Variants in PTGR2 observed in about 807,000 individuals in gnomAD.
PTGR2 encodes prostaglandin reductase 2.
Under a neutral mutation model 43.4 loss-of-function variants are expected in PTGR2, and 32 were observed. That is an observed-to-expected ratio of 0.74 (90% CI 0.56 to 0.99). PTGR2 has a LOEUF of 0.99. PTGR2 is among the 50% of genes least tolerant of loss of function. The pLI, the probability that PTGR2 is intolerant of heterozygous loss-of-function variation, is 0.00. For synonymous variants in PTGR2, 106 were observed against 139.2 expected, an observed-to-expected ratio of 0.76 and a Z score of 1.68; for missense variants, 373 against 420.0, an observed-to-expected ratio of 0.89 and a Z score of 0.98.
chr14:73,870,201 T>TC, intron 3 of PTGR2, among the ~76,000 whole-genome samples: 1 of 151,174 alleles, frequency 6.6e-6, no homozygotes, highest in African/African-American at 2.4e-5. Context: ...ACCTTTTTTT[T>TC]TTTTTTTTTT....
intron 8 of PTGR2, among the ~76,000 whole-genome samples, chr14:73,881,722 A>T (rs1223131338): frequency 1.3e-5 from 2 of 151,256 alleles, no homozygotes; most frequent in Non-Finnish European, 2.9e-5. Context: ...TTGTTGATCG[A>T]AAATCAGGAG....
At chr14:73,875,820 CTTTTTTTT>C (rs953891690) in intron 4 of PTGR2, among the ~76,000 whole-genome samples, 4 of 94,376 alleles carry the variant, frequency 4.2e-5, no homozygotes, top group Non-Finnish European at 8.1e-5. Context: ...TTAAAAGTTT[CTTTTTTTT>C]TTTTTTTTTT....
intron 1 of PTGR2, among the ~76,000 whole-genome samples, chr14:73,857,093 G>A (rs574232444): frequency 6.1e-4 from 93 of 151,996 alleles, no homozygotes; most frequent in Non-Finnish European, 1.2e-3. Context: ...GCAACATAGC[G>A]AGACCTCATC....
chr14:73,879,973 G>A, intron 6 of PTGR2, 82 bp from the exon 7 acceptor site: 1 of 1,421,804 alleles, frequency 7.0e-7, no homozygotes, highest in Non-Finnish European at 9.8e-7. Context: ...GGATTAAATA[G>A]TCAAGGAGGC....
intron 3 of PTGR2, among the ~76,000 whole-genome samples, chr14:73,872,971 T>C (rs1300235457): frequency 4.2e-5 from 6 of 144,108 alleles, no homozygotes; most frequent in Non-Finnish European, 9.0e-5. Flanking sequence ...AGACTCCATC[T>C]CAAAAAAAAA....
intron 1 of PTGR2, among the ~76,000 whole-genome samples, chr14:73,855,419 T>C (rs950529005): frequency 6.6e-6 from 1 of 152,130 alleles, no homozygotes; most frequent in African/African-American, 2.4e-5. Flanking sequence ...GTCATAGTCA[T>C]CAGAACGTTA....
Position 73,877,043 on chromosome 14 carries a change from G to T in PTGR2, c.394G>T (p.Ala132Ser), listed in dbSNP as rs746694229. 2 of 1,613,710 alleles carry T rather than the reference G, an allele frequency of 1.2e-6. No individual in the cohort carries two copies. The highest frequency in any genetic ancestry group is 8.5e-7 in the Non-Finnish European group (1 of 1,179,906). ...VDGHLSYFLG[A>S]IGMPGLTSLI... ...TGGACACCTTTCATATTTTCTTGGA[G>T]CTATAGGTATGCCTGGTTTGACTTC... Residue 132 changes from alanine to serine, a missense_variant, in exon 5 of 10, where the codon GCT becomes TCT. Transcript: ENST00000555661.
At chr14:73,855,144 C>T (rs2054315518) in intron 1 of PTGR2, among the ~76,000 whole-genome samples, 2 of 152,150 alleles carry the variant, frequency 1.3e-5, no homozygotes, top group African/African-American at 4.8e-5. Context: ...AAAAAGACAT[C>T]TTTGAAACAT....
At chr14:73,869,721 C>T (rs771251203) in intron 3 of PTGR2, among the ~76,000 whole-genome samples, 5 of 151,852 alleles carry the variant, frequency 3.3e-5, no homozygotes, top group Admixed American at 2.6e-4. Context: ...CTCTATGCCT[C>T]ATTCCTTTAA....
chr14:73,862,505 C>G, intron 3 of PTGR2, among the ~76,000 whole-genome samples: 1 of 152,088 alleles, frequency 6.6e-6, no homozygotes. Flanking sequence ...CTGCGCCTGG[C>G]CTATTTTTAT....
chr14:73,876,448 A>C (rs1370377634), intron 4 of PTGR2, among the ~76,000 whole-genome samples: 1 of 143,708 alleles, frequency 7.0e-6, no homozygotes, highest in Non-Finnish European at 1.5e-5. Flanking sequence ...GCAGAGAGAT[A>C]GATCTTGTTT....
Position 73,874,013 on chromosome 14 carries a change from C to G in PTGR2, c.157-10C>G. Reference sequence around the variant, plus strand: ...TTGGATAAAATTATCTTAATGTTTTCTTTTTTCAGCGTTGTAGAATGAATG... The same window carrying G: ...TTGGATAAAATTATCTTAATGTTTTGTTTTTTCAGCGTTGTAGAATGAATG... On this transcript the variant is annotated splice_polypyrimidine_tract_variant and intron_variant, in intron 3 of 9. Transcript: ENST00000555661. The G allele has an allele frequency of 6.4e-7, 1 of 1,552,306 alleles. No individual in the cohort carries two copies. Among genetic ancestry groups the G allele is most frequent in the Non-Finnish European group, 8.7e-7 (1 of 1,152,674 alleles).
chr14:73,884,335 T>C lies in PTGR2; in HGVS notation c.*158T>C. 1 of 542,760 alleles carries C rather than the reference T, an allele frequency of 1.8e-6. No individual in the cohort carries two copies. Among genetic ancestry groups the C allele is most frequent in the Non-Finnish European group, 3.2e-6 (1 of 314,062 alleles). The allele number at this position is 542,760 out of a possible 1,614,324, so 33.6% of individuals were successfully genotyped here. On this transcript the variant is annotated 3_prime_UTR_variant, in exon 10 of 10. Coordinates refer to ENST00000555661, the MANE Select transcript of PTGR2 (RefSeq NM_001146154.2). ...ATAGGGTATTTGATACAATCATTAA[T>C]GGATCATACACAATAGGTTTTTAAA...
chr14:73,870,470 A>G (rs924708006), intron 3 of PTGR2, among the ~76,000 whole-genome samples: 8 of 152,044 alleles, frequency 5.3e-5, no homozygotes, highest in African/African-American at 1.9e-4. Flanking sequence ...ATGAGCCACC[A>G]CACCAGACCT....
In PTGR2 at chr14:73,879,245, T is replaced by C. The variant is rs1425929934; in HGVS notation, c.669T>C (p.Ala223=). The C allele has an allele frequency of 6.2e-7, 1 of 1,614,056 alleles. No homozygotes were observed. Among genetic ancestry groups the C allele is most frequent in the African/African-American group, 1.3e-5 (1 of 74,942 alleles). Residue 223 remains alanine (A), a synonymous_variant, in exon 6 of 10, where the codon GCT becomes GCC. Transcript: ENST00000555661. The part of the protein sequence containing the change: ...VAEQLRESCP[A]GVDVYFDNVG... ...AACAGCTCCGTGAATCATGCCCAGC[T>C]GGAGTGGATGTTTATTTTGACAATG...
chr14:73,874,247 TC>T lies in PTGR2; in HGVS notation c.348+37del, dbSNP rs777561163. ...ATATATGAACATATCTGATTTTTTT[TC>T]CCCGTATAATTCTTACTTTGTGCAT... is the stretch of plus-strand genomic sequence containing the variant. On this transcript the variant is annotated intron_variant, in intron 4 of 9. Transcript: ENST00000555661. 22 of 1,466,874 alleles carry T rather than the reference TC, an allele frequency of 1.5e-5. No homozygotes were observed. The South Asian group carries it at 2.6e-4, about 17-fold the overall frequency. The allele number at this position is 1,466,874 out of a possible 1,614,324, so 90.9% of individuals were successfully genotyped here.
chr14:73,854,691 C>G (rs1288640403), intron 1 of PTGR2, among the ~76,000 whole-genome samples: 2 of 152,170 alleles, frequency 1.3e-5, no homozygotes, highest in Non-Finnish European at 1.5e-5. Flanking sequence ...GGTTCTATTA[C>G]TACTTAAGGA....
At chr14:73,868,776 T>C (rs1258599974) in intron 3 of PTGR2, among the ~76,000 whole-genome samples, 1 of 125,394 alleles carries the variant, frequency 8.0e-6, no homozygotes, top group Non-Finnish European at 1.8e-5. Flanking sequence ...AAACCAAAGA[T>C]ACTTCTTCCT....
At chr14:73,867,101 A>AAC (rs1566637518) in intron 3 of PTGR2, among the ~76,000 whole-genome samples, 8 of 141,296 alleles carry the variant, frequency 5.7e-5, no homozygotes, top group African/African-American at 2.1e-4. Context: ...AAAAAAAAAA[A>AAC]AAAAAAACAA....
Sources: allele counts gnomAD v4.1 joint callset (sites outside exome capture counted in the v4.1 genomes callset), GRCh38; gene constraint gnomAD v4.1.1; transcripts MANE v1.5; gene names NCBI Gene and HGNC (gene_info 2026-07-23, HGNC 2026-07-21).